Variants in SPATA13 observed in about 807,000 individuals in gnomAD.
The protein encoded by SPATA13 is spermatogenesis associated 13, also known as spermatogenesis-associated protein 13.
Under a neutral mutation model 104.0 loss-of-function variants are expected in SPATA13, and 50 were observed. The observed-to-expected ratio is 0.48, with a 90% CI of 0.38 to 0.61. The LOEUF is 0.61. SPATA13 is among the 20% of genes least tolerant of loss of function. The pLI, the probability that SPATA13 is intolerant of heterozygous loss-of-function variation, is 0.00. For missense variants in SPATA13, 1,524 were observed against 1,690.6 expected (o/e 0.90, Z 1.73); for synonymous variants, 606 against 667.5 (o/e 0.91, Z 1.42).
intron 1 of SPATA13, among the ~76,000 whole-genome samples, chr13:24,211,912 G>C (rs1426458057): frequency 6.6e-6 from 1 of 152,178 alleles, no homozygotes; most frequent in Non-Finnish European, 1.5e-5. Context: ...GAGCATCCGT[G>C]TGTCGGCTGA....
chr13:24,100,916 G>C (rs1168080221), intron 3 of SPATA13, among the ~76,000 whole-genome samples: 1 of 152,140 alleles, frequency 6.6e-6, no homozygotes, highest in Non-Finnish European at 1.5e-5. Context: ...GCGTTCTCTT[G>C]ATATAAATCT....
chr13:24,237,883 T>A (rs7329726), intron 2 of SPATA13, among the ~76,000 whole-genome samples: 138,635 of 141,348 alleles, frequency 0.98, 67,963 homozygotes, highest in East Asian at 1. Flanking sequence ...TATATATCAT[T>A]TATAATATAT....
chr13:24,290,377 C>T (rs2138746486), intron 8 of SPATA13, among the ~76,000 whole-genome samples: 1 of 152,230 alleles, frequency 6.6e-6, no homozygotes, highest in African/African-American at 2.4e-5. Flanking sequence ...GTGAGGCAGG[C>T]TAGAAAGAGA....
intron 3 of SPATA13, among the ~76,000 whole-genome samples, chr13:24,074,062 T>C (rs1879248777): frequency 6.6e-6 from 1 of 152,254 alleles, no homozygotes; most frequent in Non-Finnish European, 1.5e-5. Flanking sequence ...TCGATCTTAA[T>C]TATTTTTAAG....
intron 3 of SPATA13, among the ~76,000 whole-genome samples, chr13:24,134,736 A>G (rs1323779669): frequency 6.6e-6 from 1 of 152,220 alleles, no homozygotes; most frequent in Non-Finnish European, 1.5e-5. Flanking sequence ...CCCTGAGCCT[A>G]GAAAACATGA....
intron 3 of SPATA13, among the ~76,000 whole-genome samples, chr13:24,144,399 G>A (rs939787019): frequency 1.1e-4 from 17 of 152,144 alleles, no homozygotes; most frequent in Non-Finnish European, 2.4e-4. Flanking sequence ...CAAGATGAGC[G>A]AATGAAACTA....
chr13:24,097,164 G>A (rs555517919), intron 3 of SPATA13, among the ~76,000 whole-genome samples: 4 of 152,280 alleles, frequency 2.6e-5, no homozygotes, highest in East Asian at 3.9e-4. Context: ...CAGTGCACCC[G>A]GCATGGGTGG....
At chr13:24,159,201 A>G (rs993192821), upstream of SPATA13, among the ~76,000 whole-genome samples, 11 of 152,166 alleles carry the variant, frequency 7.2e-5, no homozygotes, top group African/African-American at 2.2e-4. Context: ...GATTTTTTAT[A>G]GAGTAGAAAT....
intron 2 of SPATA13, among the ~76,000 whole-genome samples, chr13:24,244,589 G>A (rs907378751): frequency 1.1e-4 from 17 of 152,326 alleles, no homozygotes; most frequent in African/African-American, 3.6e-4. Context: ...GCCAGGCACT[G>A]TGGTTCACAC....
At position 24,286,226 on chromosome 13, in the gene SPATA13, G is replaced by C. The variant is rs1330046571; in HGVS notation, c.2314G>C (p.Gly772Arg). 3 of 1,612,156 alleles carry C rather than the reference G, an allele frequency of 1.9e-6. No homozygotes were observed. The highest frequency in any genetic ancestry group is 2.5e-6 in the Non-Finnish European group (3 of 1,178,982). ...TGTCTCCTTTCAGCTGATCAGTGAT[G>C]GCAACGTGGTCTGCGCAGAAGCCCT... ...QLAINELISD[G>R]NVVCAEALWD... The change falls in exon 6 of 13, where the codon GGC (glycine) becomes CGC (arginine). Residue 772 changes from glycine (G) to arginine (R), a missense_variant. Physicochemically the swap from Gly to Arg is moderately radical, Grantham distance 125. Coordinates refer to ENST00000382108, the MANE Select transcript of SPATA13 (RefSeq NM_001166271.3). This position sits in a 1 kb window ranked among gnomAD's most constrained non-coding sequence, Gnocchi z 4.9.
chr13:24,006,031 C>T (rs1254450806), intron 2 of SPATA13, among the ~76,000 whole-genome samples: 1 of 152,230 alleles, frequency 6.6e-6, no homozygotes, highest in African/African-American at 2.4e-5. Flanking sequence ...CAGGGTCAGA[C>T]TGGCTGGGCT....
intron 3 of SPATA13, among the ~76,000 whole-genome samples, chr13:24,141,923 A>G (rs1881775586): frequency 6.6e-6 from 1 of 152,050 alleles, no homozygotes; most frequent in South Asian, 2.1e-4. Context: ...TGGGCGTGCA[A>G]ATGGAGTCAG....
chr13:24,206,069 T>C (rs191628295), intron 1 of SPATA13, among the ~76,000 whole-genome samples: 54 of 152,110 alleles, frequency 3.6e-4, no homozygotes, highest in African/African-American at 1.0e-3. Flanking sequence ...AAAGCAAAAA[T>C]TGACAAATGG....
At chr13:24,128,758 A>T (rs1036109001) in intron 3 of SPATA13, among the ~76,000 whole-genome samples, 1 of 151,636 alleles carries the variant, frequency 6.6e-6, no homozygotes, top group Non-Finnish European at 1.5e-5. Flanking sequence ...AAAACTGCTT[A>T]CTTCCCTTAA....
At chr13:24,249,248 TATC>T (rs1873336356) in intron 2 of SPATA13, among the ~76,000 whole-genome samples, 1 of 152,250 alleles carries the variant, frequency 6.6e-6, no homozygotes, top group African/African-American at 2.4e-5. Flanking sequence ...GTTATTGAAA[TATC>T]AGCCTAGAAT....
At chr13:24,103,504 A>AAAAAAAAAT in intron 3 of SPATA13, among the ~76,000 whole-genome samples, 1 of 115,612 alleles carries the variant, frequency 8.6e-6, no homozygotes, top group South Asian at 2.8e-4. Context: ...AAAAAAAAAC[A>AAAAAAAAAT]AGAAAGAAAA....
chr13:24,209,833 C>T (rs967497506), intron 1 of SPATA13, among the ~76,000 whole-genome samples: 5 of 152,104 alleles, frequency 3.3e-5, no homozygotes, highest in Admixed American at 6.6e-5. Context: ...TTTTCTGAGG[C>T]GCCTCCATGC....
chr13:24,306,168 G>A lies in SPATA13; in HGVS notation c.*3395G>A, dbSNP rs1263111183. 1 of 152,180 alleles carries A rather than the reference G, an allele frequency of 6.6e-6. No individual in the cohort carries two copies. Among genetic ancestry groups the A allele is most frequent in the African/African-American group, 2.4e-5 (1 of 41,434 alleles). 9.4% of individuals were successfully genotyped at this position (152,180 alleles called of 1,614,324 possible). A position where few individuals can be genotyped will look rare whatever the true frequency, so the allele number is the denominator to read the frequency against. On this transcript the variant is annotated 3_prime_UTR_variant, in exon 13 of 13. Coordinates refer to ENST00000382108, the MANE Select transcript of SPATA13 (RefSeq NM_001166271.3). ...TTCAGAAAATCCCCCCATCCTACAT[G>A]ACTGTTATCTAGACATAAAGCAAAG...
chr13:23,993,494 C>T (rs571198044), intron 2 of SPATA13, among the ~76,000 whole-genome samples: 3 of 152,226 alleles, frequency 2.0e-5, no homozygotes, highest in Non-Finnish European at 2.9e-5. Context: ...AAGCATGCAC[C>T]TCTCAGAAGA....
Sources: allele counts gnomAD v4.1 joint callset (sites outside exome capture counted in the v4.1 genomes callset), GRCh38; gene constraint gnomAD v4.1.1; non-coding constraint Gnocchi (gnomAD v3.1); transcripts MANE v1.5; gene names NCBI Gene and HGNC (gene_info 2026-07-23, HGNC 2026-07-21).